SNTG1: variants seen among roughly 807,000 people sequenced by gnomAD.
SNTG1 encodes the protein syntrophin gamma 1.
Under a neutral mutation model 74.7 loss-of-function variants are expected in SNTG1, and 39 were observed. The ratio of observed to expected loss-of-function variants is 0.52; its 90% CI spans 0.40 to 0.68. SNTG1 has a LOEUF of 0.68. SNTG1 is among the 30% of genes least tolerant of loss of function. The pLI is 0.00. For missense variants in SNTG1, 685 were observed against 609.5 expected, an observed-to-expected ratio of 1.12 and a Z score of -1.30; for synonymous variants, 254 against 217.1, an observed-to-expected ratio of 1.17 and a Z score of -1.49.
At chr8:49,980,543 A>T (rs2130126536) in intron 1 of SNTG1, among the ~76,000 whole-genome samples, 1 of 150,302 alleles carries the variant, frequency 6.7e-6, no homozygotes, top group South Asian at 2.1e-4. Context: ...AAAAAAAAAA[A>T]AAAAAAAATT....
intron 2 of SNTG1, among the ~76,000 whole-genome samples, chr8:50,186,981 G>T (rs2083407589): frequency 6.6e-6 from 1 of 151,958 alleles, no homozygotes; most frequent in African/African-American, 2.4e-5. Context: ...GAATGGTATT[G>T]CCTGCATTTT....
intron 1 of SNTG1, among the ~76,000 whole-genome samples, chr8:50,084,327 A>G (rs203924): frequency 0.88 from 134,154 of 152,134 alleles, 59,294 homozygotes; most frequent in East Asian, 0.99. Context: ...CTGGCATGGT[A>G]GTGGGCACCT....
At chr8:49,983,079 A>G (rs1812831673) in intron 1 of SNTG1, among the ~76,000 whole-genome samples, 1 of 152,212 alleles carries the variant, frequency 6.6e-6, no homozygotes, top group South Asian at 2.1e-4. Context: ...TGCTTCAGGA[A>G]GAGGGGGATT....
At chr8:50,424,864 T>C (rs1310248103) in intron 4 of SNTG1, among the ~76,000 whole-genome samples, 2 of 152,160 alleles carry the variant, frequency 1.3e-5, no homozygotes, top group Admixed American at 6.5e-5. Context: ...GATGGAAACA[T>C]AATTATGCTC....
At chr8:50,038,224 T>C (rs578049433) in intron 1 of SNTG1, among the ~76,000 whole-genome samples, 2 of 152,168 alleles carry the variant, frequency 1.3e-5, no homozygotes, top group African/African-American at 4.8e-5. Context: ...GGCTGATCTA[T>C]GTACCCCTGA....
intron 1 of SNTG1, among the ~76,000 whole-genome samples, chr8:49,981,710 A>C (rs1812693464): frequency 6.6e-6 from 1 of 152,104 alleles, no homozygotes; most frequent in African/African-American, 2.4e-5. Context: ...AAATACTATA[A>C]TCTTTTATGC....
chr8:50,159,062 C>T (rs1470705264), intron 1 of SNTG1, among the ~76,000 whole-genome samples: 2 of 151,986 alleles, frequency 1.3e-5, no homozygotes, highest in African/African-American at 2.4e-5. Flanking sequence ...AACTAGTGGG[C>T]GTTGAGTGCT....
At chr8:50,500,946 C>T (rs1406239586) in intron 8 of SNTG1, among the ~76,000 whole-genome samples, 3 of 152,062 alleles carry the variant, frequency 2.0e-5, no homozygotes, top group Non-Finnish European at 4.4e-5. Context: ...GATGGTGTCT[C>T]TAGGCAGAGG....
chr8:50,443,261 T>C (rs1161836821), intron 5 of SNTG1, among the ~76,000 whole-genome samples: 3 of 152,170 alleles, frequency 2.0e-5, no homozygotes, highest in Non-Finnish European at 4.4e-5. Context: ...AAATTATACT[T>C]CTGTTCATTG....
intron 13 of SNTG1, among the ~76,000 whole-genome samples, chr8:50,656,069 TAGG>T (rs2095178521): frequency 6.6e-6 from 1 of 152,056 alleles, no homozygotes; most frequent in Non-Finnish European, 1.5e-5. Context: ...AAAAAATATC[TAGG>T]AGGAGGACTT....
chr8:49,972,044 G>A (rs576987678), intron 1 of SNTG1, among the ~76,000 whole-genome samples: 110 of 152,286 alleles, frequency 7.2e-4, no homozygotes, highest in African/African-American at 2.6e-3. Context: ...CCAAAAAGGA[G>A]CCTGCATTGC....
intron 1 of SNTG1, among the ~76,000 whole-genome samples, chr8:50,066,090 CT>C (rs1820875085): frequency 6.6e-6 from 1 of 152,158 alleles, no homozygotes; most frequent in South Asian, 2.1e-4. Flanking sequence ...TGGCACACGC[CT>C]TTAATCCCAG....
At chr8:50,250,277 A>G (rs951796098) in intron 2 of SNTG1, among the ~76,000 whole-genome samples, 8 of 152,004 alleles carry the variant, frequency 5.3e-5, no homozygotes. Context: ...AAAAATTTAA[A>G]AAAAGGAAAG....
At chr8:50,483,653 T>C (rs2093759003) in intron 8 of SNTG1, among the ~76,000 whole-genome samples, 1 of 152,208 alleles carries the variant, frequency 6.6e-6, no homozygotes, top group African/African-American at 2.4e-5. Flanking sequence ...TGACAGTATA[T>C]GGCAGGGAAC....
At chr8:50,142,936 T>A (rs540445868) in intron 1 of SNTG1, among the ~76,000 whole-genome samples, 24 of 152,108 alleles carry the variant, frequency 1.6e-4, no homozygotes, top group African/African-American at 5.5e-4. Context: ...TAGCTGGGTC[T>A]GGTGGCGGGC....
intron 2 of SNTG1, among the ~76,000 whole-genome samples, chr8:50,184,749 A>G (rs1013915553): frequency 2.6e-5 from 4 of 152,122 alleles, no homozygotes; most frequent in Non-Finnish European, 5.9e-5. Flanking sequence ...TTCCTTTTTA[A>G]TGGTTAAACA....
intron 2 of SNTG1, among the ~76,000 whole-genome samples, chr8:50,245,352 C>T (rs2086348903): frequency 1.3e-5 from 2 of 152,056 alleles, no homozygotes; most frequent in African/African-American, 2.4e-5. Context: ...AAATAAGTAG[C>T]AGCATGGTAT....
intron 18 of SNTG1, among the ~76,000 whole-genome samples, chr8:50,759,595 G>T (rs2095591931): frequency 6.6e-6 from 1 of 151,884 alleles, no homozygotes; most frequent in African/African-American, 2.4e-5. Flanking sequence ...TTTTTGTCAG[G>T]TTTGTGAAAG....
At chr8:50,508,616 C>G (rs2094032490) in intron 9 of SNTG1, among the ~76,000 whole-genome samples, 1 of 152,200 alleles carries the variant, frequency 6.6e-6, no homozygotes, top group Non-Finnish European at 1.5e-5. Context: ...GCCATTCTAA[C>G]TGGTGTGAGA....
Sources: gnomAD v4.1 joint callset for allele counts (sites outside exome capture counted in the v4.1 genomes callset) on GRCh38, gnomAD v4.1.1 for gene constraint, MANE v1.5 for transcripts, NCBI Gene and HGNC (gene_info 2026-07-23, HGNC 2026-07-21) for gene names.